Variants in CIDEC observed in about 807,000 individuals in gnomAD.
The protein encoded by CIDEC is lipid transferase CIDEC.
A neutral mutation model predicts 21.9 loss-of-function variants in CIDEC; 11 were observed. The ratio of observed to expected loss-of-function variants is 0.50; its 90% CI spans 0.32 to 0.83. The LOEUF (loss-of-function observed/expected upper bound fraction) is 0.83. Ranked by LOEUF, CIDEC falls within the 40% of genes least tolerant of loss-of-function variation. The probability of loss-of-function intolerance (pLI) is 0.04; values close to 1 mark genes in which losing one functional copy is unlikely to be tolerated. For missense variants in CIDEC, 302 were observed against 302.3 expected (o/e 1.00, Z 0.01); for synonymous variants, 127 against 124.9 (o/e 1.02, Z -0.11).
intron 4 of CIDEC, among the ~76,000 whole-genome samples, chr3:9,876,341 G>A (rs2082422145): frequency 6.6e-6 from 1 of 152,184 alleles, no homozygotes; most frequent in African/African-American, 2.4e-5. Flanking sequence ...GGGCGTGGTG[G>A]TGCATGCCTG....
At chr3:9,874,681 TAATC>T (rs1575453542) in intron 4 of CIDEC, among the ~76,000 whole-genome samples, 1 of 152,152 alleles carries the variant, frequency 6.6e-6, no homozygotes, top group Non-Finnish European at 1.5e-5. Flanking sequence ...TTTATTCAAA[TAATC>T]AAAACAGTAA....
At chr3:9,878,246 CAGCAG>C in intron 3 of CIDEC, 183 bp downstream of exon 3, 1 of 643,252 alleles carries the variant, frequency 1.6e-6, no homozygotes, top group Non-Finnish European at 2.8e-6. Flanking sequence ...GTGGTGTAAG[CAGCAG>C]CATTAATATC....
chr3:9,876,970 A>T (rs2082432381), intron 4 of CIDEC, 96 bp downstream of exon 4: 1 of 998,956 alleles, frequency 1.0e-6, no homozygotes, highest in Non-Finnish European at 1.6e-6. Flanking sequence ...GCTGGTAGGT[A>T]TCAGAAAGGA....
chr3:9,871,983 G>C (rs777846728), intron 4 of CIDEC, among the ~76,000 whole-genome samples: 4 of 151,380 alleles, frequency 2.6e-5, no homozygotes, highest in Non-Finnish European at 5.9e-5. Context: ...TTTGTTTTTT[G>C]TTTTTTTAAT....
chr3:9,866,869 A>G lies in CIDEC; in HGVS notation c.*265T>C. 1.6e-6 allele frequency: 1 copy of G among 606,702 alleles called. No individual in the cohort carries two copies. Among genetic ancestry groups the G allele is most frequent in the Non-Finnish European group, 2.9e-6 (1 of 339,466 alleles). 37.6% of individuals were successfully genotyped at this position (606,702 alleles called of 1,614,324 possible). ...TTGCTAAGGGGCAGACTTCATGCCA[A>G]TGGAGGGACAGACTTCAGGACCAGT... On this transcript the variant is annotated 3_prime_UTR_variant, in exon 7 of 7. Transcript: ENST00000336832.
rs1175267835 is a variant in CIDEC, at chr3:9,877,072, G to A, written c.201C>T (p.Leu67=). 9.0e-6 allele frequency: 14 copies of A among 1,552,412 alleles called. No homozygotes were observed. The highest frequency in any genetic ancestry group is 1.1e-5 in the Non-Finnish European group (13 of 1,147,296). ...AACGCGCAGGTGCTCTCACCTTGAG[G>A]AGGAGGTCCTCAAGACTGTAAGCCA... ...GIMAYSLEDL[L]LKVRDTLMLA... is the part of the protein sequence containing the mutation. Residue 67 remains leucine (L), a synonymous_variant, in exon 4 of 7, where the codon CTC becomes CTT. Transcript: ENST00000336832.
intron 4 of CIDEC, among the ~76,000 whole-genome samples, chr3:9,871,424 T>C (rs536581037): frequency 5.0e-4 from 75 of 148,562 alleles, no homozygotes; most frequent in Non-Finnish European, 8.3e-4. Flanking sequence ...TGGGCTCAAG[T>C]AATCCTCCCT....
At chr3:9,872,468 C>T (rs2082361921) in intron 4 of CIDEC, among the ~76,000 whole-genome samples, 1 of 152,206 alleles carries the variant, frequency 6.6e-6, no homozygotes, top group South Asian at 2.1e-4. Context: ...AGCCAATACG[C>T]TTGGCCAAGC....
chr3:9,867,386 A>G, intron 6 of CIDEC, 90 bp from the exon 7 acceptor site: 2 of 1,407,734 alleles, frequency 1.4e-6, no homozygotes, highest in African/African-American at 1.4e-5. Flanking sequence ...TTGGGAGGCC[A>G]TGGAGGGCGG....
In CIDEC at chr3:9,870,076, T is replaced by G; in HGVS notation, c.367-7A>C. ...ACAGTGGGTGCCTTGTCCCCTGCAT[T>G]GAGACAAGCAAATGGTTAGCACCCC... On this transcript the variant is annotated splice_region_variant and splice_polypyrimidine_tract_variant and intron_variant, in intron 5 of 6. Transcript: ENST00000336832. 6.2e-7 allele frequency: 1 copy of G among 1,614,066 alleles called. No individual in the cohort carries two copies. Among genetic ancestry groups the G allele is most frequent in the South Asian group, 1.1e-5 (1 of 91,084 alleles).
intron 4 of CIDEC, among the ~76,000 whole-genome samples, chr3:9,872,558 G>T (rs2082363004): frequency 6.6e-6 from 1 of 151,970 alleles, no homozygotes; most frequent in African/African-American, 2.4e-5. Flanking sequence ...ATTTTTAATT[G>T]GGTTGTCTTT....
chr3:9,878,318 CAG>C, intron 3 of CIDEC, 114 bp downstream of exon 3: 1 of 831,298 alleles, frequency 1.2e-6, no homozygotes, highest in Non-Finnish European at 2.1e-6. Flanking sequence ...CCTCCTGAAT[CAG>C]AATCTGCACT....
intron 4 of CIDEC, 142 bp downstream of exon 4, chr3:9,876,924 G>A (rs2082431645): frequency 1.0e-5 from 7 of 695,012 alleles, no homozygotes; most frequent in South Asian, 1.7e-5. Context: ...CTAATTAGTT[G>A]GACAGCTCTC....
At chr3:9,874,952 T>G (rs1433469371) in intron 4 of CIDEC, among the ~76,000 whole-genome samples, 1 of 151,398 alleles carries the variant, frequency 6.6e-6, no homozygotes, top group Non-Finnish European at 1.5e-5. Flanking sequence ...AGGCTGGTCT[T>G]GAACTCCTGG....
intron 4 of CIDEC, among the ~76,000 whole-genome samples, chr3:9,871,240 A>C (rs969877188): frequency 7.0e-6 from 1 of 142,424 alleles, no homozygotes; most frequent in Non-Finnish European, 1.5e-5. Flanking sequence ...ATGCAGTGGT[A>C]TAATCACAGC....
chr3:9,870,140 C>G (rs1194155407), intron 5 of CIDEC, 24 bp downstream of exon 5: 3 of 1,614,022 alleles, frequency 1.9e-6, no homozygotes, highest in Non-Finnish European at 2.5e-6. Context: ...TCTCCCCCAT[C>G]AGGTGCAACA....
At chr3:9,872,850 G>A (rs187300311) in intron 4 of CIDEC, among the ~76,000 whole-genome samples, 1 of 152,196 alleles carries the variant, frequency 6.6e-6, no homozygotes. Flanking sequence ...TTAGCTGGGC[G>A]TGGTGGTGCG....
intron 4 of CIDEC, among the ~76,000 whole-genome samples, chr3:9,873,825 G>A (rs993232358): frequency 3.9e-5 from 6 of 152,156 alleles, no homozygotes; most frequent in Admixed American, 1.3e-4. Context: ...CACATCATTA[G>A]TTATCTTGGA....
Position 9,870,064 on chromosome 3 carries a change from T to C in CIDEC, c.372A>G (p.Thr124=), listed in dbSNP as rs199593487. 1 of 1,614,166 alleles carries C rather than the reference T, an allele frequency of 6.2e-7. No individual in the cohort carries two copies. The highest frequency in any genetic ancestry group is 8.5e-7 in the Non-Finnish European group (1 of 1,180,020). Residue 124 remains threonine (T), a synonymous_variant, in exon 6 of 7, where the codon ACA becomes ACG. Transcript: ENST00000336832. ...TATGGGAGAGGGACAGTGGGTGCCT[T>C]GTCCCCTGCATTGAGACAAGCAAAT... is the stretch of plus-strand genomic sequence containing the variant. ...QKWQPPSEQG[T]RHPLSLSHKP... is the part of the protein sequence containing the mutation.
Sources: allele counts gnomAD v4.1 joint callset (sites outside exome capture counted in the v4.1 genomes callset), GRCh38; gene constraint gnomAD v4.1.1; transcripts MANE v1.5; gene names NCBI Gene and HGNC (gene_info 2026-07-23, HGNC 2026-07-21).